Variants in PTPN14 observed in about 807,000 individuals in gnomAD.
PTPN14 encodes the protein tyrosine-protein phosphatase non-receptor type 14.
In PTPN14, 53 loss-of-function variants were observed where a neutral mutation model predicts 126.8. The ratio of observed to expected loss-of-function variants is 0.42; its 90% CI spans 0.34 to 0.53. PTPN14 has a LOEUF of 0.53. Ranked by LOEUF, PTPN14 falls within the 20% of genes least tolerant of loss-of-function variation. The pLI is 0.08. For synonymous variants in PTPN14, 630 were observed against 599.3 expected, an observed-to-expected ratio of 1.05 and a Z score of -0.75; for missense variants, 1,257 against 1,552.9, an observed-to-expected ratio of 0.81 and a Z score of 3.20.
At chr1:214,548,602 G>C (rs143468527) in intron 1 of PTPN14, among the ~76,000 whole-genome samples, 1 of 152,236 alleles carries the variant, frequency 6.6e-6, no homozygotes, top group East Asian at 1.9e-4. Context: ...TCAAATGCAA[G>C]AATTTGATGA....
intron 1 of PTPN14, among the ~76,000 whole-genome samples, chr1:214,539,249 T>C (rs575622643): frequency 7.9e-5 from 12 of 152,314 alleles, no homozygotes; most frequent in African/African-American, 2.6e-4. Context: ...TGCCCTTCCA[T>C]ATTACAGGTG....
rs972491288 is a variant in PTPN14 at position 214,383,149 on chromosome 1, A to T, written c.2544+162T>A. 3.3e-5 allele frequency among the ~76,000 whole-genome samples: 5 copies of T among 152,264 alleles called. No homozygotes were observed. Among genetic ancestry groups the T allele is most frequent in the African/African-American group, 7.2e-5 (3 of 41,482 alleles). On this transcript the variant is annotated intron_variant, in intron 13 of 18. Transcript: ENST00000366956. This position sits in a 1 kb window ranked among gnomAD's most constrained non-coding sequence, Gnocchi z 4.4. The stretch of plus-strand genomic sequence containing the variant: ...AATGAGAATGGAAGATTTATCTGAA[A>T]GGGCAAAAACTCAACATTTTGTGTA...
At chr1:214,465,729 A>T (rs537089978) in intron 1 of PTPN14, among the ~76,000 whole-genome samples, 1 of 152,234 alleles carries the variant, frequency 6.6e-6, no homozygotes, top group African/African-American at 2.4e-5. Flanking sequence ...CTTCATGAAC[A>T]ACCCTATGGT....
rs147647045 is a variant in PTPN14, at chr1:214,411,756, G to T, written c.443-5C>A. The T allele has an allele frequency of 2.3e-4, 344 of 1,494,782 alleles. 3 individuals are homozygous for T. In the East Asian group the frequency reaches 8.1e-3, roughly 35 times the overall value. The allele number at this position is 1,494,782 out of a possible 1,614,324, so 92.6% of individuals were successfully genotyped here. A position where few individuals can be genotyped will look rare whatever the true frequency, so the allele number is the denominator to read the frequency against. On this transcript the variant is annotated splice_polypyrimidine_tract_variant and splice_region_variant and intron_variant, in intron 4 of 18. Coordinates refer to ENST00000366956, the MANE Select transcript of PTPN14 (RefSeq NM_005401.5). ...GATTATAGTCTCCAAAATCAGCTGA[G>T]AAGAAAAGAAGATGGAAGGGCAGTA... is the stretch of plus-strand genomic sequence containing the variant.
At chr1:214,427,018 C>A (rs987207447) in intron 3 of PTPN14, among the ~76,000 whole-genome samples, 2 of 152,254 alleles carry the variant, frequency 1.3e-5, no homozygotes, top group African/African-American at 4.8e-5. Context: ...TGGTGGCTCA[C>A]GCCTGTAATC....
intron 7 of PTPN14, among the ~76,000 whole-genome samples, chr1:214,399,535 A>C (rs1221146463): frequency 6.6e-6 from 1 of 152,202 alleles, no homozygotes; most frequent in Non-Finnish European, 1.5e-5. Flanking sequence ...GGGCTTGTTT[A>C]AAGGAAGCCA....
chr1:214,407,966 T>C (rs1318217562), intron 5 of PTPN14, among the ~76,000 whole-genome samples: 3 of 152,042 alleles, frequency 2.0e-5, no homozygotes, highest in Non-Finnish European at 4.4e-5. Flanking sequence ...AGTGGATGCT[T>C]TCTGAACACC....
chr1:214,535,313 G>A lies in PTPN14; in HGVS notation c.-155+15870C>T, dbSNP rs111373836. Reference sequence around the variant, plus strand: ...TAACAGAAATATTTCTATCCAACACGCTTTGTCTGCTTCAATGACATAAAG... The same window carrying A: ...TAACAGAAATATTTCTATCCAACACACTTTGTCTGCTTCAATGACATAAAG... On this transcript the variant is annotated intron_variant, in intron 1 of 18. Transcript: ENST00000366956. Among the ~76,000 whole-genome samples, 335 of 152,114 alleles carry A rather than the reference G, an allele frequency of 2.2e-3. 3 individuals carry two copies. The highest frequency in any genetic ancestry group is 7.6e-3 in the African/African-American group (317 of 41,468).
intron 3 of PTPN14, among the ~76,000 whole-genome samples, chr1:214,445,933 T>G (rs1471074354): frequency 6.6e-6 from 1 of 152,146 alleles, no homozygotes; most frequent in Non-Finnish European, 1.5e-5. Flanking sequence ...CAAAAATCTT[T>G]CCTTTGAGTC....
At chr1:214,491,213 T>C (rs11120342) in intron 1 of PTPN14, among the ~76,000 whole-genome samples, 27,821 of 151,950 alleles carry the variant, frequency 0.18, 3,074 homozygotes, top group East Asian at 0.38. Flanking sequence ...CTGAGAATGG[T>C]CTGGTAAAAC....
chr1:214,504,609 T>C (rs1205510251), intron 1 of PTPN14, among the ~76,000 whole-genome samples: 1 of 152,132 alleles, frequency 6.6e-6, no homozygotes, highest in Admixed American at 6.5e-5. Context: ...AGCACACCCA[T>C]TAGCCATGAA....
chr1:214,460,350 G>A (rs146468510), intron 2 of PTPN14, among the ~76,000 whole-genome samples: 8 of 151,862 alleles, frequency 5.3e-5, no homozygotes, highest in Admixed American at 1.3e-4. Context: ...ACTCCATCCT[G>A]CCCCTTCCTC....
intron 1 of PTPN14, among the ~76,000 whole-genome samples, chr1:214,517,999 A>T (rs561826161): frequency 2.0e-5 from 3 of 152,284 alleles, no homozygotes; most frequent in Non-Finnish European, 4.4e-5. Context: ...TAAAGAAGGT[A>T]CTTAAAATAT....
At chr1:214,399,548 AG>A (rs1227701347) in intron 7 of PTPN14, among the ~76,000 whole-genome samples, 10 of 152,202 alleles carry the variant, frequency 6.6e-5, no homozygotes, top group Admixed American at 4.6e-4. Context: ...GGAAGCCAAG[AG>A]GAGACCTGTC....
intron 1 of PTPN14, among the ~76,000 whole-genome samples, chr1:214,481,115 GA>G (rs941927784): frequency 3.7e-4 from 57 of 152,166 alleles, no homozygotes; most frequent in African/African-American, 1.3e-3. Context: ...CTTCAAGTAA[GA>G]TTTTTTTGTG....
chr1:214,419,714 T>C (rs1571988107), intron 3 of PTPN14, among the ~76,000 whole-genome samples: 1 of 152,168 alleles, frequency 6.6e-6, no homozygotes, highest in East Asian at 1.9e-4. Context: ...AAGAGACAAG[T>C]AGTCCTAGAG....
At chr1:214,478,464 C>T (rs1324647968) in intron 1 of PTPN14, among the ~76,000 whole-genome samples, 2 of 151,980 alleles carry the variant, frequency 1.3e-5, no homozygotes, top group Non-Finnish European at 2.9e-5. Context: ...TTTCCATACT[C>T]AGAGATATAA....
rs577823782 is a variant in PTPN14 at position 214,465,518 on chromosome 1, G to C, written c.-154-561C>G. On this transcript the variant is annotated intron_variant, in intron 1 of 18. Coordinates refer to ENST00000366956, the MANE Select transcript of PTPN14 (RefSeq NM_005401.5). Reference sequence around the variant, plus strand: ...TGCCTGTAGTCCCAGCTACTTGGGAGGCTGAGATGGGAGGATCTCTTGAGC... The same window carrying C: ...TGCCTGTAGTCCCAGCTACTTGGGACGCTGAGATGGGAGGATCTCTTGAGC... 5.3e-5 allele frequency among the ~76,000 whole-genome samples: 8 copies of C among 152,300 alleles called. No individual in the cohort carries two copies. In the Middle Eastern group the frequency reaches 0.014, roughly 259 times the overall value.
chr1:214,479,740 C>T (rs887782766), intron 1 of PTPN14, among the ~76,000 whole-genome samples: 3 of 152,028 alleles, frequency 2.0e-5, no homozygotes, highest in Admixed American at 6.5e-5. Flanking sequence ...AAAGCTCAGT[C>T]GTTTTCTATT....
Sources: gnomAD v4.1 joint callset for allele counts (sites outside exome capture counted in the v4.1 genomes callset) on GRCh38, gnomAD v4.1.1 for gene constraint, Gnocchi (gnomAD v3.1) non-coding constraint, MANE v1.5 for transcripts, NCBI Gene and HGNC (gene_info 2026-07-23, HGNC 2026-07-21) for gene names.